The following RNLS variants were observed in gnomAD, a reference collection of about 807,000 sequenced individuals.
RNLS encodes renalase.
RNLS carries 39 observed loss-of-function variants against 39.8 expected under a neutral mutation model. The observed-to-expected ratio is 0.98, with a 90% CI of 0.76 to 1.28. RNLS has a LOEUF of 1.28. Among genes scored for constraint, RNLS ranks in the 50% most tolerant of loss-of-function variants. RNLS has a pLI of 0.00. For synonymous variants in RNLS, 147 were observed against 150.7 expected (o/e 0.98, Z 0.18); for missense variants, 410 against 413.3 (o/e 0.99, Z 0.07).
chr10:88,243,748 G>A, the RNLS span, among the ~76,000 whole-genome samples: 20 of 152,278 alleles, frequency 1.3e-4, no homozygotes, highest in South Asian at 3.5e-3. Flanking sequence ...GCTCTTTAAC[G>A]GACACTTCAC....
At chr10:88,217,910 G>C in the RNLS span, among the ~76,000 whole-genome samples, 1 of 151,986 alleles carries the variant, frequency 6.6e-6, no homozygotes. Flanking sequence ...CATGGTGGCA[G>C]GCACCTGTAA....
At chr10:88,572,816 C>A in intron 4 of RNLS, 87 bp downstream of exon 4, 1 of 1,363,264 alleles carries the variant, frequency 7.3e-7, no homozygotes, top group South Asian at 1.4e-5. Context: ...TATCACTTGT[C>A]CTTTGCGAAG....
chr10:88,577,807 G>A (rs929591973), intron 3 of RNLS, among the ~76,000 whole-genome samples: 7 of 152,276 alleles, frequency 4.6e-5, no homozygotes, highest in African/African-American at 1.7e-4. Flanking sequence ...ATAAGGTCAA[G>A]AAGAAAGCAT....
At chr10:88,285,941 C>G (rs148500371) in intron 6 of RNLS, among the ~76,000 whole-genome samples, 38 of 152,102 alleles carry the variant, frequency 2.5e-4, no homozygotes, top group African/African-American at 8.4e-4. Flanking sequence ...AAAACAGGCC[C>G]AAGGAAGCTT....
chr10:88,366,025 G>A (rs1033294624), intron 4 of RNLS, among the ~76,000 whole-genome samples: 4 of 152,172 alleles, frequency 2.6e-5, no homozygotes, highest in Admixed American at 2.0e-4. Flanking sequence ...TTCTAGACGT[G>A]AAGGCTGTAA....
intron 4 of RNLS, among the ~76,000 whole-genome samples, chr10:88,550,538 G>C (rs1848557279): frequency 1.3e-5 from 2 of 152,110 alleles, no homozygotes; most frequent in Non-Finnish European, 2.9e-5. Flanking sequence ...GGTTGAAAAA[G>C]ACAAATAAAC....
At chr10:88,349,744 A>G (rs996201440) in intron 5 of RNLS, among the ~76,000 whole-genome samples, 1 of 151,804 alleles carries the variant, frequency 6.6e-6, no homozygotes, top group Non-Finnish European at 1.5e-5. Context: ...ATATAAGTAC[A>G]TATATACATT....
chr10:88,238,832 G>A, the RNLS span, among the ~76,000 whole-genome samples: 3 of 152,212 alleles, frequency 2.0e-5, no homozygotes, highest in Non-Finnish European at 4.4e-5. Flanking sequence ...TAGCTCTGTG[G>A]AATTTCTTTA....
chr10:88,407,381 G>A (rs1853346227), intron 4 of RNLS, among the ~76,000 whole-genome samples: 1 of 151,768 alleles, frequency 6.6e-6, no homozygotes. Context: ...ATTTTTCTAT[G>A]GCTATGCTCT....
chr10:88,285,608 A>G (rs1843206856), intron 6 of RNLS, 102 bp from the exon 7 acceptor site: 1 of 993,596 alleles, frequency 1.0e-6, no homozygotes, highest in Non-Finnish European at 1.5e-6. Context: ...AGAAATCAAG[A>G]TTTCTCACAA....
intron 4 of RNLS, among the ~76,000 whole-genome samples, chr10:88,466,619 A>C (rs144811788): frequency 6.6e-6 from 1 of 152,300 alleles, no homozygotes; most frequent in Non-Finnish European, 1.5e-5. Flanking sequence ...ATCTTCAAAG[A>C]ATGGAACTGT....
At chr10:88,268,486 G>C in the RNLS span, among the ~76,000 whole-genome samples, 1 of 152,150 alleles carries the variant, frequency 6.6e-6, no homozygotes, top group Non-Finnish European at 1.5e-5. Context: ...GCTGTGGGGG[G>C]GTTGATTCCA....
chr10:88,187,169 TATATATATA>T, the RNLS span, among the ~76,000 whole-genome samples: 145 of 116,520 alleles, frequency 1.2e-3, 5 homozygotes, highest in East Asian at 0.024. Context: ...ATATATATAA[TATATATATA>T]ATATATATAA....
intron 5 of RNLS, among the ~76,000 whole-genome samples, chr10:88,358,383 C>A (rs1476246087): frequency 6.6e-6 from 1 of 152,076 alleles, no homozygotes; most frequent in Non-Finnish European, 1.5e-5. Context: ...TACTTGGGAA[C>A]CATTTCTGTG....
At chr10:88,444,248 G>T (rs1352536677) in intron 4 of RNLS, among the ~76,000 whole-genome samples, 1 of 152,184 alleles carries the variant, frequency 6.6e-6, no homozygotes, top group Non-Finnish European at 1.5e-5. Flanking sequence ...CAACAGACCT[G>T]CAGCTGAGGG....
intron 4 of RNLS, among the ~76,000 whole-genome samples, chr10:88,486,686 C>T (rs1381518431): frequency 6.6e-6 from 1 of 152,046 alleles, no homozygotes; most frequent in East Asian, 1.9e-4. Flanking sequence ...GTCAGAATGG[C>T]TACTATTAAA....
At chr10:88,226,443 C>T in the RNLS span, among the ~76,000 whole-genome samples, 1 of 152,134 alleles carries the variant, frequency 6.6e-6, no homozygotes, top group Non-Finnish European at 1.5e-5. Context: ...ATCATGTTTC[C>T]AGAACACAAA....
chr10:88,246,688 A>G, the RNLS span, among the ~76,000 whole-genome samples: 3 of 152,236 alleles, frequency 2.0e-5, no homozygotes, highest in South Asian at 2.1e-4. Flanking sequence ...TTTGGAAGCA[A>G]AGAAAGTAGG....
intron 4 of RNLS, among the ~76,000 whole-genome samples, chr10:88,405,454 A>C (rs113874807): frequency 0.021 from 3,168 of 152,080 alleles, 42 homozygotes; most frequent in Non-Finnish European, 0.031. Flanking sequence ...TATAATGTCC[A>C]TCTTTGTCTC....
Sources: gnomAD v4.1 joint callset for allele counts (sites outside exome capture counted in the v4.1 genomes callset) on GRCh38, gnomAD v4.1.1 for gene constraint, MANE v1.5 for transcripts, NCBI Gene and HGNC (gene_info 2026-07-23, HGNC 2026-07-21) for gene names.